The following CACNA2D4 variants were observed in gnomAD, a reference collection of about 807,000 sequenced individuals.
The protein encoded by CACNA2D4 is voltage-dependent calcium channel subunit alpha-2/delta-4.
A neutral mutation model predicts 163.8 loss-of-function variants in CACNA2D4; 157 were observed. That is an observed-to-expected ratio of 0.96 (90% confidence interval 0.84 to 1.09). The LOEUF (loss-of-function observed/expected upper bound fraction) is 1.09, where lower values mean the gene tolerates loss of function less well. CACNA2D4 is among the 50% of genes least tolerant of loss of function. CACNA2D4 has a pLI of 0.00. For synonymous variants in CACNA2D4, 598 were observed against 586.9 expected (o/e 1.02, Z -0.27); for missense variants, 1,410 against 1,479.9 (o/e 0.95, Z 0.78).
intron 18 of CACNA2D4, among the ~76,000 whole-genome samples, chr12:1,863,907 AAAAT>A (rs1400245574): frequency 8.0e-5 from 12 of 150,840 alleles, no homozygotes; most frequent in Admixed American, 6.6e-4. Context: ...CAAAAAAAAA[AAAAT>A]AATAACACCC....
At chr12:1,879,363 C>T (rs968803302) in intron 14 of CACNA2D4, among the ~76,000 whole-genome samples, 1 of 152,122 alleles carries the variant, frequency 6.6e-6, no homozygotes, top group African/African-American at 2.4e-5. Flanking sequence ...CTCACGGGGG[C>T]TCTGAAGCAT....
At position 1,834,685 on chromosome 12, in the gene CACNA2D4, G is replaced by A; in HGVS notation, c.2551+6054C>T. The A allele has an allele frequency of 1.9e-6, 3 of 1,601,990 alleles. No homozygotes were observed. Among genetic ancestry groups the A allele is most frequent in the Non-Finnish European group, 2.5e-6 (3 of 1,179,332 alleles). On this transcript the variant is annotated intron_variant, in intron 26 of 37. Transcript: ENST00000382722. This position sits in a 1 kb window ranked among gnomAD's most constrained non-coding sequence, Gnocchi z 7.6. ...CCCTGATGGGGGACCCCGAGGGCGA[G>A]CACGAGGACCAGAAGCAGATCTCTT...
In CACNA2D4 at chr12:1,883,175, C is replaced by A. The variant is rs1866047844; in HGVS notation, c.1352-175G>T. Among the ~76,000 whole-genome samples, 1 of 152,218 alleles carries A rather than the reference C, an allele frequency of 6.6e-6. No homozygotes were observed. Among genetic ancestry groups the A allele is most frequent in the Non-Finnish European group, 1.5e-5 (1 of 68,032 alleles). ...TGTGTCCTTTACCCAGGGGCAGCCG[C>A]AGGCCAGTGGGAGGCCAAGGCTCAC... On this transcript the variant is annotated intron_variant, in intron 12 of 37. Transcript: ENST00000382722. The surrounding 1 kb of genome is among the most constrained non-coding windows in gnomAD (Gnocchi z 4.5).
At chr12:1,827,741 G>A (rs1864407104) in intron 26 of CACNA2D4, 2 of 177,830 alleles carry the variant, frequency 1.1e-5, no homozygotes, top group South Asian at 2.0e-4. Flanking sequence ...ATGCCCAGAT[G>A]GGAGACCAGG....
chr12:1,807,666 CGGTTA>C (rs1863584833), intron 29 of CACNA2D4, among the ~76,000 whole-genome samples: 10 of 152,072 alleles, frequency 6.6e-5, no homozygotes, highest in Admixed American at 5.2e-4. Context: ...GTTCTCCACA[CGGTTA>C]CCCAGTGTCT....
At position 1,829,947 on chromosome 12, in the gene CACNA2D4, G is replaced by A. The variant is rs1864545261; in HGVS notation, c.2551+10792C>T. Among the ~76,000 whole-genome samples, 1 of 152,156 alleles carries A rather than the reference G, an allele frequency of 6.6e-6. No homozygotes were observed. Among genetic ancestry groups the A allele is most frequent in the South Asian group, 2.1e-4 (1 of 4,834 alleles). ...GGTTTTTGAGGCCACTATTGGAAAG[G>A]GCTGCTGCATAATGGAAGGCACTGC... On this transcript the variant is annotated intron_variant, in intron 26 of 37. Transcript: ENST00000382722. The surrounding 1 kb of genome is among the most constrained non-coding windows in gnomAD (Gnocchi z 4.2).
chr12:1,890,511 C>T (rs1565731831), intron 6 of CACNA2D4, among the ~76,000 whole-genome samples: 1 of 152,236 alleles, frequency 6.6e-6, no homozygotes, highest in Non-Finnish European at 1.5e-5. Flanking sequence ...ACAGCCGTTG[C>T]ACTGTGGGCT....
At chr12:1,797,227 G>A (rs1164238473) in intron 35 of CACNA2D4, among the ~76,000 whole-genome samples, 191 bp downstream of exon 35, 4 of 152,224 alleles carry the variant, frequency 2.6e-5, no homozygotes, top group Non-Finnish European at 5.9e-5. Flanking sequence ...CAGACCGTCC[G>A]CCTCCTGCGT....
chr12:1,800,621 C>T, intron 31 of CACNA2D4, 183 bp from the exon 32 acceptor site: 1 of 627,998 alleles, frequency 1.6e-6, no homozygotes, highest in Non-Finnish European at 2.8e-6. Flanking sequence ...ACCTGCCCTG[C>T]AGAGCTGAGC....
At chr12:1,886,879 T>C in intron 7 of CACNA2D4, 130 bp downstream of exon 7, 1 of 638,324 alleles carries the variant, frequency 1.6e-6, no homozygotes, top group Non-Finnish European at 2.9e-6. Context: ...TGTGTCGGGC[T>C]AGGGTTCTAC....
At position 1,808,709 on chromosome 12, in the gene CACNA2D4, G is replaced by C. The variant is rs79248306; in HGVS notation, c.2721+1569C>G. ...GCCCTTGAAAGCCAACACCACGGGA[G>C]GCCTGGGGACACGGTCAGTCTCAGT... is the stretch of plus-strand genomic sequence containing the variant. On this transcript the variant is annotated intron_variant, in intron 29 of 37. Coordinates refer to ENST00000382722, the MANE Select transcript of CACNA2D4 (RefSeq NM_172364.5). 9.5e-4 allele frequency among the ~76,000 whole-genome samples: 144 copies of C among 152,322 alleles called. 1 individual carries two copies. The East Asian group carries it at 0.026, about 27-fold the overall frequency.
Position 1,878,184 on chromosome 12 carries a change from T to G in CACNA2D4, c.1719+131A>C. The G allele has an allele frequency of 1.0e-6, 1 of 1,003,824 alleles. No individual in the cohort carries two copies. Among genetic ancestry groups the G allele is most frequent in the Non-Finnish European group, 1.5e-6 (1 of 661,082 alleles). The allele number at this position is 1,003,824 out of a possible 1,614,324, so 62.2% of individuals were successfully genotyped here. ...AAACAGGGACCATGACTCGAATACA[T>G]TTTTTTTCTCATATTACCCACTGGG... On this transcript the variant is annotated intron_variant, in intron 16 of 37. Transcript: ENST00000382722. The surrounding 1 kb of genome is among the most constrained non-coding windows in gnomAD (Gnocchi z 4.6).
intron 23 of CACNA2D4, among the ~76,000 whole-genome samples, chr12:1,853,529 T>C (rs938284950): frequency 6.6e-6 from 1 of 152,096 alleles, no homozygotes; most frequent in African/African-American, 2.4e-5. Flanking sequence ...GGCACACACA[T>C]GCCCTACACT....
intron 3 of CACNA2D4, 27 bp from the exon 4 acceptor site, chr12:1,909,992 G>A (rs941768888): frequency 9.3e-6 from 15 of 1,607,330 alleles, no homozygotes; most frequent in Non-Finnish European, 1.3e-5. Context: ...CAGAGGTAGG[G>A]AGAATGGGTA....
intron 31 of CACNA2D4, 173 bp from the exon 32 acceptor site, chr12:1,800,611 A>C: frequency 3.1e-6 from 2 of 638,830 alleles, no homozygotes; most frequent in South Asian, 1.8e-5. Context: ...CCCACCTCCC[A>C]CCTGCCCTGC....
chr12:1,817,477 C>T (rs58647180), intron 26 of CACNA2D4, among the ~76,000 whole-genome samples: 3 of 152,018 alleles, frequency 2.0e-5, no homozygotes, highest in Non-Finnish European at 2.9e-5. Context: ...TCTCCCCTCT[C>T]CCCTCTCCCC....
chr12:1,886,644 G>T (rs528128077), intron 7 of CACNA2D4, among the ~76,000 whole-genome samples: 53 of 152,190 alleles, frequency 3.5e-4, no homozygotes, highest in Non-Finnish European at 6.9e-4. Context: ...ACCAACCGGG[G>T]TCCCTGAGGG....
At chr12:1,824,170 CA>C (rs1864222495) in intron 26 of CACNA2D4, among the ~76,000 whole-genome samples, 1 of 152,204 alleles carries the variant, frequency 6.6e-6, no homozygotes, top group Non-Finnish European at 1.5e-5. Flanking sequence ...GGCTCAGGGA[CA>C]GGCCAGCATG....
intron 29 of CACNA2D4, chr12:1,809,518 C>G: frequency 1.4e-6 from 1 of 702,814 alleles, no homozygotes; most frequent in South Asian, 1.5e-5. Context: ...GTGAATATAT[C>G]TGGATTTGCT....
Sources: allele counts gnomAD v4.1 joint callset (sites outside exome capture counted in the v4.1 genomes callset), GRCh38; gene constraint gnomAD v4.1.1; non-coding constraint Gnocchi (gnomAD v3.1); transcripts MANE v1.5; gene names NCBI Gene and HGNC (gene_info 2026-07-23, HGNC 2026-07-21).